The following LRRTM3 variants were observed in gnomAD, a reference collection of about 807,000 sequenced individuals.
LRRTM3 encodes the protein leucine rich repeat transmembrane neuronal 3, also known as leucine-rich repeat transmembrane neuronal protein 3.
A neutral mutation model predicts 44.7 loss-of-function variants in LRRTM3; 24 were observed. The observed-to-expected ratio is 0.54, with a 90% CI of 0.39 to 0.76. The LOEUF (loss-of-function observed/expected upper bound fraction) is 0.76, where lower values mean the gene tolerates loss of function less well. LRRTM3 is among the 30% of genes least tolerant of loss of function. The pLI is 0.00. For missense variants in LRRTM3, 587 were observed against 702.2 expected, an observed-to-expected ratio of 0.84 and a Z score of 1.85; for synonymous variants, 277 against 278.7, an observed-to-expected ratio of 0.99 and a Z score of 0.06.
At chr10:66,939,171 TC>T (rs960533515) in intron 2 of LRRTM3, among the ~76,000 whole-genome samples, 3 of 152,204 alleles carry the variant, frequency 2.0e-5, no homozygotes, top group African/African-American at 7.2e-5. Context: ...GTAATGCTCA[TC>T]TTTTTTACCT....
chr10:66,955,634 C>T (rs959347708), intron 2 of LRRTM3, among the ~76,000 whole-genome samples: 10 of 152,150 alleles, frequency 6.6e-5, no homozygotes, highest in East Asian at 3.9e-4. Context: ...GATAGACACA[C>T]GACTGCATGA....
rs73256469 is a variant in LRRTM3 at position 67,073,015 on chromosome 10, C to T, written c.1537-24572C>T. Among the ~76,000 whole-genome samples, 1,124 of 152,288 alleles carry T rather than the reference C, an allele frequency of 7.4e-3. 6 individuals carry two copies. The highest frequency in any genetic ancestry group is 0.026 in the African/African-American group (1,088 of 41,546). ...ATCACTAAAAGTTTTGCTAACTTTTCTTACTCCCCAAAGACACCTTCCGCC... is the reference window on the plus strand; with the variant it reads ...ATCACTAAAAGTTTTGCTAACTTTTTTTACTCCCCAAAGACACCTTCCGCC... On this transcript the variant is annotated intron_variant, in intron 2 of 2. Coordinates refer to ENST00000361320, the MANE Select transcript of LRRTM3 (RefSeq NM_178011.5).
At chr10:66,992,759 A>G (rs1026527786) in intron 2 of LRRTM3, among the ~76,000 whole-genome samples, 6 of 152,072 alleles carry the variant, frequency 3.9e-5, no homozygotes, top group Non-Finnish European at 8.8e-5. Context: ...ATCTAATTTT[A>G]ATTTTTCCTT....
In LRRTM3 at chr10:67,092,480, A is replaced by G. The variant is rs185632727; in HGVS notation, c.1537-5107A>G. ...TTAAAAATAACCTTTTCTATCCAAC[A>G]GAAGAGATTCTTGAGTGACCTTAAC... On this transcript the variant is annotated intron_variant, in intron 2 of 2. Coordinates refer to ENST00000361320, the MANE Select transcript of LRRTM3 (RefSeq NM_178011.5). Among the ~76,000 whole-genome samples the G allele has an allele frequency of 9.2e-5, 14 of 152,104 alleles. No homozygotes were observed. In the East Asian group the frequency reaches 2.1e-3, roughly 23 times the overall value.
At chr10:66,986,658 T>C (rs1431562226) in intron 2 of LRRTM3, among the ~76,000 whole-genome samples, 1 of 152,176 alleles carries the variant, frequency 6.6e-6, no homozygotes, top group Non-Finnish European at 1.5e-5. Context: ...ATGAATCAAC[T>C]ATAGTCAACT....
intron 2 of LRRTM3, among the ~76,000 whole-genome samples, chr10:67,053,162 A>G (rs373510073): frequency 6.6e-6 from 1 of 152,198 alleles, no homozygotes; most frequent in Non-Finnish European, 1.5e-5. Flanking sequence ...GGAACCAATC[A>G]TCTTTTAGAA....
Position 66,927,453 on chromosome 10 carries a change from C to T in LRRTM3, c.537C>T (p.Asp179=). 1 of 1,614,146 alleles carries T rather than the reference C, an allele frequency of 6.2e-7. No homozygotes were observed. Among genetic ancestry groups the T allele is most frequent in the Non-Finnish European group, 8.5e-7 (1 of 1,180,044 alleles). ...LRTIPVRIFQ[D]CRNLELLDLG... Reference sequence around the variant, plus strand: ...CCATCCCTGTGCGAATATTCCAAGACTGCCGCAACCTGGAACTTTTGGACC... The same window carrying T: ...CCATCCCTGTGCGAATATTCCAAGATTGCCGCAACCTGGAACTTTTGGACC... Residue 179 remains aspartate (D), a synonymous_variant, in exon 2 of 3, where the codon GAC becomes GAT. Coordinates refer to ENST00000361320, the MANE Select transcript of LRRTM3 (RefSeq NM_178011.5). The surrounding 1 kb of genome is among the most constrained non-coding windows in gnomAD (Gnocchi z 4.7).
intron 2 of LRRTM3, among the ~76,000 whole-genome samples, chr10:67,088,442 A>C (rs1402726999): frequency 6.6e-6 from 1 of 151,988 alleles, no homozygotes; most frequent in Non-Finnish European, 1.5e-5. Flanking sequence ...ATATATTCAA[A>C]AGTGGCCACA....
intron 2 of LRRTM3, among the ~76,000 whole-genome samples, chr10:66,980,787 T>C (rs1850383767): frequency 6.6e-6 from 1 of 152,120 alleles, no homozygotes; most frequent in African/African-American, 2.4e-5. Context: ...TGTACAAGAG[T>C]GTTCAAGATA....
In LRRTM3 at chr10:66,966,522, A is replaced by AAAT. The variant is rs145141934; in HGVS notation, c.1536+38070_1536+38071insAAT. Among the ~76,000 whole-genome samples the AAAT allele has an allele frequency of 4.1e-3, 631 of 152,250 alleles. 35 individuals are homozygous for AAAT. In the East Asian group the frequency reaches 0.1, roughly 25 times the overall value. ...AGGATATACCTTTCAGATTATTCAA[A>AAAT]GAAATAGCTAAAAATGAGCTATCAG... is the stretch of plus-strand genomic sequence containing the variant. On this transcript the variant is annotated intron_variant, in intron 2 of 2. Coordinates refer to ENST00000361320, the MANE Select transcript of LRRTM3 (RefSeq NM_178011.5).
intron 2 of LRRTM3, among the ~76,000 whole-genome samples, chr10:67,029,837 T>C (rs1853612050): frequency 6.6e-6 from 1 of 152,168 alleles, no homozygotes; most frequent in South Asian, 2.1e-4. Context: ...AAAGCACGGT[T>C]CCTCAATGAC....
intron 2 of LRRTM3, among the ~76,000 whole-genome samples, chr10:67,012,744 A>G (rs1266150187): frequency 6.6e-6 from 1 of 152,120 alleles, no homozygotes; most frequent in African/African-American, 2.4e-5. Flanking sequence ...GGTTTTGGAT[A>G]TACACTTCTG....
intron 2 of LRRTM3, among the ~76,000 whole-genome samples, chr10:67,053,784 T>C (rs58556127): frequency 0.019 from 2,863 of 152,296 alleles, 73 homozygotes; most frequent in African/African-American, 0.058. Flanking sequence ...CAAGATGGAA[T>C]TGACTCATTT....
chr10:67,040,290 T>C (rs538260015), intron 2 of LRRTM3, among the ~76,000 whole-genome samples: 9 of 152,060 alleles, frequency 5.9e-5, no homozygotes, highest in Non-Finnish European at 1.2e-4. Flanking sequence ...TGTGTGAAAG[T>C]CCTCAGGCAT....
rs890642545 is a variant in LRRTM3 at position 67,075,337 on chromosome 10, A to T, written c.1537-22250A>T. On this transcript the variant is annotated intron_variant, in intron 2 of 2. Transcript: ENST00000361320. ...TACATTTAAAACTGTATTAACAAGA[A>T]CAAGTATTTCATTCCACCATTAGGA... 2.6e-5 allele frequency among the ~76,000 whole-genome samples: 4 copies of T among 152,352 alleles called. No homozygotes were observed. The East Asian group carries it at 7.7e-4, about 29-fold the overall frequency.
intron 2 of LRRTM3, among the ~76,000 whole-genome samples, chr10:66,982,608 CAA>C (rs1286943101): frequency 6.6e-6 from 1 of 151,644 alleles, no homozygotes; most frequent in African/African-American, 2.4e-5. Context: ...TGAAATTAGA[CAA>C]AGACAATTGA....
intron 2 of LRRTM3, among the ~76,000 whole-genome samples, chr10:66,936,599 A>AT (rs1847709475): frequency 1.3e-5 from 2 of 152,126 alleles, no homozygotes; most frequent in Admixed American, 1.3e-4. Context: ...TCAGAAAGTC[A>AT]CAGGGTCAGT....
Position 66,928,095 on chromosome 10 carries a change from C to A in LRRTM3, c.1179C>A (p.Pro393=), listed in dbSNP as rs753881412. 1.9e-6 allele frequency: 3 copies of A among 1,614,066 alleles called. No individual in the cohort carries two copies. The South Asian group carries it at 3.3e-5, about 18-fold the overall frequency. The change falls in exon 2 of 3, where the codon CCC becomes CCA. Residue 393 remains proline, a synonymous_variant. Coordinates refer to ENST00000361320, the MANE Select transcript of LRRTM3 (RefSeq NM_178011.5). ...CCAGGCCGAAGCATGAGAGCAAACC[C>A]CCTTTGCCCCCGACGGTGGGAGCCA... The part of the protein sequence containing the change: ...KLPRPKHESK[P]PLPPTVGATE...
At chr10:67,058,326 T>G (rs1855561452) in intron 2 of LRRTM3, among the ~76,000 whole-genome samples, 1 of 152,204 alleles carries the variant, frequency 6.6e-6, no homozygotes, top group African/African-American at 2.4e-5. Context: ...TAGGCTTTTG[T>G]CAGATAACAT....
Sources: allele counts gnomAD v4.1 joint callset (sites outside exome capture counted in the v4.1 genomes callset), GRCh38; gene constraint gnomAD v4.1.1; non-coding constraint Gnocchi (gnomAD v3.1); transcripts MANE v1.5; gene names NCBI Gene and HGNC (gene_info 2026-07-23, HGNC 2026-07-21).